EBNA1BP2: variants seen among roughly 807,000 people sequenced by gnomAD.
EBNA1BP2 encodes the protein EBNA1 binding protein 2, also known as probable rRNA-processing protein EBP2.
A neutral mutation model predicts 43.5 loss-of-function variants in EBNA1BP2; 36 were observed. The observed-to-expected ratio is 0.83, with a 90% CI of 0.63 to 1.09. EBNA1BP2 has a LOEUF of 1.09. EBNA1BP2 is among the 50% of genes least tolerant of loss of function. The probability of loss-of-function intolerance (pLI) is 0.00; values close to 1 mark genes in which losing one functional copy is unlikely to be tolerated. For synonymous variants in EBNA1BP2, 127 were observed against 141.3 expected (o/e 0.90, Z 0.72); for missense variants, 332 against 379.1 (o/e 0.88, Z 1.03).
At chr1:43,167,309 A>ATG in intron 5 of EBNA1BP2, 74 bp from the exon 6 acceptor site, 1 of 1,397,068 alleles carries the variant, frequency 7.2e-7, no homozygotes, top group East Asian at 2.3e-5. Flanking sequence ...CTTAATAGCA[A>ATG]CACCATGATT....
Position 43,170,887 on chromosome 1 carries a change from T to C in EBNA1BP2, c.324-8A>G. On this transcript the variant is annotated splice_polypyrimidine_tract_variant and splice_region_variant and intron_variant, in intron 3 of 8. Coordinates refer to ENST00000236051, the MANE Select transcript of EBNA1BP2 (RefSeq NM_006824.3). ...GCCTGGGCTTGGCGATAGCTGAGAA[T>C]CGTAGGACAAAATGTGTAATGAGGT... 5.8e-6 allele frequency: 9 copies of C among 1,563,254 alleles called. No individual in the cohort carries two copies. The highest frequency in any genetic ancestry group is 7.7e-6 in the Non-Finnish European group (9 of 1,161,354).
At position 43,171,901 on chromosome 1, in the gene EBNA1BP2, C is replaced by G. The variant is rs375661019; in HGVS notation, c.135G>C (p.Lys45Asn). The change falls in exon 2 of 9, where the codon AAG becomes AAC. Residue 45 changes from lysine (K) to asparagine (N), a missense_variant. Lys to Asn is a moderately conservative substitution (Grantham distance 94). Coordinates refer to ENST00000236051, the MANE Select transcript of EBNA1BP2 (RefSeq NM_006824.3). ...GLNVVLEGPK[K>N]AVNDVNGLKQ... ...CCACGCTCACCACGTCGTTCACGGC[C>G]TTCTTCGGCCCCTCTAGCACGACAT... 1.9e-6 allele frequency: 3 copies of G among 1,614,018 alleles called. No homozygotes were observed. The highest frequency in any genetic ancestry group is 2.5e-6 in the Non-Finnish European group (3 of 1,179,998).
chr1:43,169,113 T>C, intron 4 of EBNA1BP2, 85 bp from the exon 5 acceptor site: 2 of 1,383,132 alleles, frequency 1.4e-6, no homozygotes, highest in South Asian at 2.3e-5. Flanking sequence ...GAACAGATAT[T>C]CCCTGTTCTT....
At chr1:43,170,607 ACT>A in intron 4 of EBNA1BP2, 147 bp downstream of exon 4, 1 of 1,159,588 alleles carries the variant, frequency 8.6e-7, no homozygotes, top group East Asian at 3.1e-5. Flanking sequence ...AACTGGCATG[ACT>A]CTGAAGTAGC....
chr1:43,172,138 A>T lies in EBNA1BP2; in HGVS notation c.-20T>A. On this transcript the variant is annotated 5_prime_UTR_variant, in exon 1 of 9. Coordinates refer to ENST00000236051, the MANE Select transcript of EBNA1BP2 (RefSeq NM_006824.3). ...GTCCATCTCGCCGCACGCACGTCCC[A>T]CACCTACAGGAAGAAACGGGGTATC... 1 of 1,613,998 alleles carries T rather than the reference A, an allele frequency of 6.2e-7. No homozygotes were observed. The highest frequency in any genetic ancestry group is 8.5e-7 in the Non-Finnish European group (1 of 1,180,004).
At chr1:43,165,732 G>A (rs566495743) in intron 7 of EBNA1BP2, among the ~76,000 whole-genome samples, 69 of 152,078 alleles carry the variant, frequency 4.5e-4, no homozygotes, top group African/African-American at 1.6e-3. Flanking sequence ...CAAACACATT[G>A]CACCCCTCCT....
chr1:43,166,935 T>C lies in EBNA1BP2; in HGVS notation c.614-16A>G. 1 of 1,610,264 alleles carries C rather than the reference T, an allele frequency of 6.2e-7. No individual in the cohort carries two copies. The highest frequency in any genetic ancestry group is 8.5e-7 in the Non-Finnish European group (1 of 1,178,258). On this transcript the variant is annotated splice_polypyrimidine_tract_variant and intron_variant, in intron 6 of 8. Transcript: ENST00000236051. ...TCAGAGAAGCCTGTAAGTGAAGAAG[T>C]AGTTTTGATCAGCACCATTGTATTT...
At chr1:43,171,820 C>G in intron 2 of EBNA1BP2, 66 bp downstream of exon 2, 1 of 1,596,030 alleles carries the variant, frequency 6.3e-7, no homozygotes, top group Non-Finnish European at 8.6e-7. Context: ...AATCGGTCTC[C>G]CAAGCCCAAC....
rs755112494 is a variant in EBNA1BP2, at chr1:43,164,725, T to G, written c.788A>C (p.Glu263Ala). The G allele has an allele frequency of 1.9e-6, 3 of 1,614,214 alleles. No homozygotes were observed. The Admixed American group carries it at 5.0e-5, about 27-fold the overall frequency. The change falls in exon 8 of 9, where the codon GAG becomes GCG. Residue 263 changes from glutamate to alanine, a missense_variant. This residue lies in a region of EBNA1BP2 where 59 missense variants were observed against 53.3 expected (regional missense o/e 1.11). Coordinates refer to ENST00000236051, the MANE Select transcript of EBNA1BP2 (RefSeq NM_006824.3). ...GAAGCTAGATACATCATCATAGCTC[T>G]CCCGAGTGTTCCACTTTGAGCCTTT... Reference protein sequence around the residue: ...KKKGSKWNTRESYDDVSSFRA... With the variant: ...KKKGSKWNTRASYDDVSSFRA...
chr1:43,167,312 C>G, intron 5 of EBNA1BP2, 77 bp from the exon 6 acceptor site: 1 of 1,368,846 alleles, frequency 7.3e-7, no homozygotes, highest in Non-Finnish European at 1.0e-6. Flanking sequence ...AATAGCAACA[C>G]CATGATTAAT....
At chr1:43,167,294 A>C in intron 5 of EBNA1BP2, 59 bp from the exon 6 acceptor site, 1 of 1,510,048 alleles carries the variant, frequency 6.6e-7, no homozygotes, top group Non-Finnish European at 9.2e-7. Context: ...CAGTGTCTAC[A>C]TTGTCTTAAT....
At chr1:43,169,524 CT>C (rs762161024) in intron 4 of EBNA1BP2, among the ~76,000 whole-genome samples, 1 of 152,146 alleles carries the variant, frequency 6.6e-6, no homozygotes, top group Non-Finnish European at 1.5e-5. Context: ...ACGACAAAAG[CT>C]CCCTAAAATC....
chr1:43,165,589 C>T (rs1360647330), intron 7 of EBNA1BP2, among the ~76,000 whole-genome samples: 1 of 152,182 alleles, frequency 6.6e-6, no homozygotes, highest in African/African-American at 2.4e-5. Context: ...TATACAAAAT[C>T]CACTGTGATC....
chr1:43,168,653 T>G (rs1361530224), intron 5 of EBNA1BP2, among the ~76,000 whole-genome samples: 3 of 152,164 alleles, frequency 2.0e-5, no homozygotes, highest in Non-Finnish European at 4.4e-5. Flanking sequence ...CTGGTGATTT[T>G]GCTATAAGGT....
chr1:43,169,371 T>C (rs1644939625), intron 4 of EBNA1BP2, among the ~76,000 whole-genome samples: 1 of 152,222 alleles, frequency 6.6e-6, no homozygotes, highest in Non-Finnish European at 1.5e-5. Context: ...TGTCCTTTTC[T>C]AGTATACCAC....
intron 3 of EBNA1BP2, chr1:43,171,197 C>A: frequency 2.1e-6 from 1 of 471,112 alleles, no homozygotes; most frequent in Admixed American, 4.1e-5. Flanking sequence ...AAGAACATCC[C>A]ATAAGCAATG....
At chr1:43,165,636 T>C (rs1162334664) in intron 7 of EBNA1BP2, among the ~76,000 whole-genome samples, 1 of 152,210 alleles carries the variant, frequency 6.6e-6, no homozygotes, top group Non-Finnish European at 1.5e-5. Context: ...TCATTACTGT[T>C]AGTACAACCT....
Position 43,172,237 on chromosome 1 carries a change from T to A in EBNA1BP2, c.-119A>T, listed in dbSNP as rs1241225823. ...CCTTCAGCCCCCTACTCCCACGCCG[T>A]GGCTCCACGTGCCACCGAATCGCTC... On this transcript the variant is annotated 5_prime_UTR_variant, in exon 1 of 9. Transcript: ENST00000236051. 1 of 1,564,286 alleles carries A rather than the reference T, an allele frequency of 6.4e-7. No homozygotes were observed. The highest frequency in any genetic ancestry group is 8.7e-7 in the Non-Finnish European group (1 of 1,153,514).
Position 43,166,817 on chromosome 1 carries a change from C to T in EBNA1BP2, c.707+9G>A. 1 of 1,603,804 alleles carries T rather than the reference C, an allele frequency of 6.2e-7. No individual in the cohort carries two copies. The highest frequency in any genetic ancestry group is 1.4e-5 in the African/African-American group (1 of 73,982). ...AGAACCAAAGAAACCATGCCAAAAC[C>T]CTTCTCACCCCTTCCTCATCTGCTG... On this transcript the variant is annotated intron_variant, in intron 7 of 8. Coordinates refer to ENST00000236051, the MANE Select transcript of EBNA1BP2 (RefSeq NM_006824.3).
Sources: gnomAD v4.1 joint callset for allele counts (sites outside exome capture counted in the v4.1 genomes callset) on GRCh38, gnomAD v4.1.1 for gene constraint, gnomAD v4.1.1 regional missense constraint, MANE v1.5 for transcripts, NCBI Gene and HGNC (gene_info 2026-07-23, HGNC 2026-07-21) for gene names.